Variants in MAPRE2 observed in about 807,000 individuals in gnomAD.
MAPRE2 encodes the protein microtubule associated protein RP/EB family member 2.
Under a neutral mutation model 43.2 loss-of-function variants are expected in MAPRE2, and 13 were observed. The ratio of observed to expected loss-of-function variants is 0.30; its 90% CI spans 0.20 to 0.48. MAPRE2 has a LOEUF of 0.48. Ranked by LOEUF, MAPRE2 falls within the 20% of genes least tolerant of loss-of-function variation. MAPRE2 has a pLI of 0.99. For synonymous variants in MAPRE2, 135 were observed against 148.8 expected (o/e 0.91, Z 0.68); for missense variants, 161 against 400.2 (o/e 0.40, Z 5.10).
intron 2 of MAPRE2, among the ~76,000 whole-genome samples, chr18:35,081,774 A>G (rs1039728539): frequency 2.0e-5 from 3 of 152,118 alleles, no homozygotes; most frequent in Admixed American, 2.0e-4. Flanking sequence ...CGCATTGTGT[A>G]GACGTGGACC....
chr18:34,986,232 C>T (rs1603386431), intron 1 of MAPRE2, among the ~76,000 whole-genome samples: 3 of 152,208 alleles, frequency 2.0e-5, no homozygotes, highest in Non-Finnish European at 2.9e-5. Flanking sequence ...CTGGTAAAGG[C>T]TTTCAAAAAC....
At chr18:35,077,822 A>G (rs184373616) in intron 2 of MAPRE2, among the ~76,000 whole-genome samples, 8 of 152,370 alleles carry the variant, frequency 5.3e-5, no homozygotes, top group Admixed American at 2.0e-4. Context: ...TTTAAAGTAC[A>G]TAATGATATG....
At chr18:35,027,130 G>A (rs1253903037) in intron 2 of MAPRE2, among the ~76,000 whole-genome samples, 2 of 152,186 alleles carry the variant, frequency 1.3e-5, no homozygotes, top group Admixed American at 1.3e-4. Flanking sequence ...CAGCAGGTGT[G>A]TGTGGCAGGT....
chr18:35,009,027 G>T (rs1413842170), intron 2 of MAPRE2, among the ~76,000 whole-genome samples: 2 of 151,970 alleles, frequency 1.3e-5, no homozygotes, highest in Non-Finnish European at 2.9e-5. Flanking sequence ...CATTTATTTT[G>T]TGCCTACTAT....
At chr18:35,031,341 C>A (rs1001159378) in intron 2 of MAPRE2, among the ~76,000 whole-genome samples, 1 of 152,138 alleles carries the variant, frequency 6.6e-6, no homozygotes, top group Non-Finnish European at 1.5e-5. Flanking sequence ...TCTAGTGTCC[C>A]CAGGCCTGAC....
At position 34,985,604 on chromosome 18, in the gene MAPRE2, G is replaced by GATATATTATAATAATATATAACAT. The variant is rs1161861004; in HGVS notation, c.-70+8552_-70+8575dup. Among the ~76,000 whole-genome samples the GATATATTATAATAATATATAACAT allele has an allele frequency of 3.8e-3, 282 of 74,944 alleles. 1 individual carries two copies. Among genetic ancestry groups the GATATATTATAATAATATATAACAT allele is most frequent in the African/African-American group, 7.6e-3 (141 of 18,658 alleles). The allele number at this position is 74,944 out of a possible 152,430, so 49.2% of individuals were successfully genotyped here. A position where few individuals can be genotyped will look rare whatever the true frequency, so the allele number is the denominator to read the frequency against. On this transcript the variant is annotated intron_variant, in intron 1 of 7. Coordinates refer to the MAPRE2 transcript ENST00000413393. ...CTATAAACTATAATATATAACATAT[G>GATATATTATAATAATATATAACAT]ATATATTATAATAATATATAACATA...
intron 1 of MAPRE2, chr18:34,978,620 G>C: frequency 7.8e-7 from 1 of 1,276,030 alleles, no homozygotes; most frequent in South Asian, 1.3e-5. Flanking sequence ...GCAAAAAGGG[G>C]TATGGCTCTT....
chr18:35,064,033 A>AAAAAAAAAAC (rs1568989751), intron 1 of MAPRE2, among the ~76,000 whole-genome samples: 2 of 139,352 alleles, frequency 1.4e-5, no homozygotes, highest in Non-Finnish European at 3.1e-5. Flanking sequence ...AAAAAAAAAA[A>AAAAAAAAAAC]TCTGGCCAAC....
intron 1 of MAPRE2, among the ~76,000 whole-genome samples, chr18:35,067,003 T>A (rs16966371): frequency 0.029 from 4,366 of 152,342 alleles, 199 homozygotes; most frequent in African/African-American, 0.1. Flanking sequence ...GTTGTTATTT[T>A]ATTTTAGGAA....
rs919156392 is a variant in MAPRE2, at chr18:34,986,737, A to C, written c.-70+9658A>C. The stretch of plus-strand genomic sequence containing the variant: ...TCCATCCCAGCACCTGACCTTCAGC[A>C]CTTCAAGATAAATTTGGAGGTATGC... On this transcript the variant is annotated intron_variant, in intron 1 of 7. Transcript: ENST00000413393. 4.6e-5 allele frequency among the ~76,000 whole-genome samples: 7 copies of C among 152,184 alleles called. 1 individual carries two copies. The highest frequency in any genetic ancestry group is 2.9e-5 in the Non-Finnish European group (2 of 68,038).
chr18:34,985,542 A>ATT (rs2097020195), intron 1 of MAPRE2, among the ~76,000 whole-genome samples: 5 of 63,984 alleles, frequency 7.8e-5, no homozygotes, highest in African/African-American at 3.4e-4. Context: ...TATAATATAT[A>ATT]ATATATATAT....
Position 35,141,662 on chromosome 18 carries a change from T to C in MAPRE2, c.*1293T>C, listed in dbSNP as rs1910646700. ...TCTTTCCAAGTCTTTGCCTCTTTTT[T>C]TTCTTTATTTTTATTTTTTCCTTTG... On this transcript the variant is annotated 3_prime_UTR_variant, in exon 7 of 7. Transcript: ENST00000300249. 1 of 133,846 alleles carries C rather than the reference T, an allele frequency of 7.5e-6. No homozygotes were observed. The allele number at this position is 133,846 out of a possible 1,614,324, so 8.3% of individuals were successfully genotyped here.
chr18:35,112,205 C>T (rs1228246347), intron 4 of MAPRE2, among the ~76,000 whole-genome samples: 3 of 144,600 alleles, frequency 2.1e-5, no homozygotes, highest in Admixed American at 7.0e-5. Context: ...TTTTTATGGA[C>T]GGAGTTTCAC....
chr18:35,046,775 A>T (rs574955169), intron 1 of MAPRE2, among the ~76,000 whole-genome samples: 29 of 152,206 alleles, frequency 1.9e-4, no homozygotes, highest in Non-Finnish European at 3.4e-4. Flanking sequence ...GACTAGGTAG[A>T]TGTTCTCTGG....
At chr18:35,110,051 A>G (rs1291433859) in intron 4 of MAPRE2, among the ~76,000 whole-genome samples, 2 of 152,050 alleles carry the variant, frequency 1.3e-5, no homozygotes, top group Non-Finnish European at 2.9e-5. Context: ...GTTTTTTCAC[A>G]CTATCCTTTA....
chr18:35,005,948 A>T (rs2097031646), intron 2 of MAPRE2, among the ~76,000 whole-genome samples: 1 of 152,198 alleles, frequency 6.6e-6, no homozygotes, highest in South Asian at 2.1e-4. Flanking sequence ...TTTGAGAGGC[A>T]GAAAGAGAGA....
intron 2 of MAPRE2, among the ~76,000 whole-genome samples, chr18:35,035,262 AC>A (rs2097049935): frequency 6.6e-6 from 1 of 151,958 alleles, no homozygotes; most frequent in African/African-American, 2.4e-5. Flanking sequence ...TATTGCAAGG[AC>A]AAAAAACCAA....
chr18:35,010,517 T>A (rs957138108), intron 2 of MAPRE2, among the ~76,000 whole-genome samples: 7 of 152,214 alleles, frequency 4.6e-5, no homozygotes, highest in African/African-American at 1.7e-4. Context: ...CAGAAAATAT[T>A]GAAATATTGA....
rs7240270 is a variant in MAPRE2, at chr18:34,986,224, G to A, written c.-70+9145G>A. Among the ~76,000 whole-genome samples the A allele has an allele frequency of 4.2e-3, 640 of 152,182 alleles. 3 individuals are homozygous for A. Among genetic ancestry groups the A allele is most frequent in the African/African-American group, 0.015 (609 of 41,524 alleles). ...GGATTAGCTTGCTCCTTTAAAAGCTGGTAAAGGCTTTCAAAAACTGGTAAG... is the reference window on the plus strand; with the variant it reads ...GGATTAGCTTGCTCCTTTAAAAGCTAGTAAAGGCTTTCAAAAACTGGTAAG... On this transcript the variant is annotated intron_variant, in intron 1 of 7. Coordinates refer to the MAPRE2 transcript ENST00000413393.
Sources: gnomAD v4.1 joint callset for allele counts (sites outside exome capture counted in the v4.1 genomes callset) on GRCh38, gnomAD v4.1.1 for gene constraint, MANE v1.5 for transcripts, NCBI Gene and HGNC (gene_info 2026-07-23, HGNC 2026-07-21) for gene names.